The following NAALADL2 variants were observed in gnomAD, a reference collection of about 807,000 sequenced individuals.
NAALADL2 encodes the protein N-acetylated alpha-linked acidic dipeptidase like 2, also known as inactive N-acetylated-alpha-linked acidic dipeptidase-like protein 2.
In NAALADL2, 76 loss-of-function variants were observed where a neutral mutation model predicts 87.2. The ratio of observed to expected loss-of-function variants is 0.87; its 90% CI spans 0.72 to 1.05. The LOEUF (loss-of-function observed/expected upper bound fraction) is 1.05, where lower values mean the gene tolerates loss of function less well. Among genes scored for constraint, NAALADL2 ranks in the 50% least tolerant of loss-of-function variants. NAALADL2 has a pLI of 0.00. For synonymous variants in NAALADL2, 354 were observed against 331.0 expected (o/e 1.07, Z -0.75); for missense variants, 1,089 against 945.8 (o/e 1.15, Z -1.99).
intron 11 of NAALADL2, among the ~76,000 whole-genome samples, chr3:175,644,130 C>T (rs917127812): frequency 6.6e-6 from 1 of 151,942 alleles, no homozygotes; most frequent in Non-Finnish European, 1.5e-5. Flanking sequence ...AAAATCATTG[C>T]CAAATTTTGT....
chr3:175,453,059 C>A (rs138471718), intron 6 of NAALADL2, among the ~76,000 whole-genome samples: 79 of 152,198 alleles, frequency 5.2e-4, no homozygotes, highest in African/African-American at 1.8e-3. Flanking sequence ...GACTTAAAGA[C>A]AACCTGAGAT....
intron 9 of NAALADL2, among the ~76,000 whole-genome samples, chr3:175,515,963 T>G (rs2149405246): frequency 6.6e-6 from 1 of 152,368 alleles, no homozygotes; most frequent in East Asian, 1.9e-4. Flanking sequence ...TTCAAAATCC[T>G]TTTAAAATAA....
At chr3:174,960,670 C>T (rs1247361425) in intron 1 of NAALADL2, among the ~76,000 whole-genome samples, 4 of 151,902 alleles carry the variant, frequency 2.6e-5, no homozygotes, top group Admixed American at 2.6e-4. Context: ...GAAACAAAAT[C>T]TTTGATGGTA....
At chr3:175,139,670 C>A (rs569551411) in intron 2 of NAALADL2, among the ~76,000 whole-genome samples, 27 of 137,878 alleles carry the variant, frequency 2.0e-4, no homozygotes, top group African/African-American at 6.6e-4. Flanking sequence ...ATTATTCTAA[C>A]CCTATCTTCA....
chr3:174,605,208 C>T (rs935450388), intron 2 of NAALADL2, among the ~76,000 whole-genome samples: 2 of 152,156 alleles, frequency 1.3e-5, no homozygotes, highest in African/African-American at 4.8e-5. Flanking sequence ...ATAGGAACAG[C>T]TCTGGTCTAC....
intron 10 of NAALADL2, among the ~76,000 whole-genome samples, chr3:175,588,817 C>T (rs1417641798): frequency 2.6e-5 from 4 of 152,182 alleles, no homozygotes; most frequent in Middle Eastern, 3.4e-3. Context: ...GGATTATAGG[C>T]GTGAGCCACC....
chr3:175,672,143 G>A (rs918092076), intron 11 of NAALADL2, among the ~76,000 whole-genome samples: 2 of 152,068 alleles, frequency 1.3e-5, no homozygotes, highest in African/African-American at 4.8e-5. Context: ...GGGAAATGTT[G>A]CTGAATTAGA....
chr3:175,669,024 T>C (rs1733579931), intron 11 of NAALADL2, among the ~76,000 whole-genome samples: 1 of 152,118 alleles, frequency 6.6e-6, no homozygotes, highest in East Asian at 1.9e-4. Flanking sequence ...AAAGTTATAC[T>C]TTAGGATAGT....
chr3:174,815,830 G>GTTTTTT (rs10589968), intron 3 of NAALADL2, among the ~76,000 whole-genome samples: 1 of 115,196 alleles, frequency 8.7e-6, no homozygotes. Context: ...TTTGACTTTA[G>GTTTTTT]TTTTTTTTTT....
chr3:174,643,903 G>A (rs561706399), intron 2 of NAALADL2, among the ~76,000 whole-genome samples: 1 of 152,274 alleles, frequency 6.6e-6, no homozygotes, highest in South Asian at 2.1e-4. Flanking sequence ...AGACAGAGCA[G>A]CAGTTGAAAA....
intron 3 of NAALADL2, among the ~76,000 whole-genome samples, chr3:174,773,735 G>C (rs1239509311): frequency 6.6e-6 from 1 of 152,084 alleles, no homozygotes; most frequent in African/African-American, 2.4e-5. Context: ...AGTACCCAAC[G>C]TTTAAAGTGA....
At chr3:175,222,890 G>C (rs1236771790) in intron 2 of NAALADL2, among the ~76,000 whole-genome samples, 5 of 152,066 alleles carry the variant, frequency 3.3e-5, no homozygotes, top group Admixed American at 3.3e-4. Context: ...TCTCTTTACT[G>C]TCTGGCTTAA....
intron 1 of NAALADL2, among the ~76,000 whole-genome samples, chr3:174,502,000 ATAGG>A (rs1283792642): frequency 6.6e-6 from 1 of 152,018 alleles, no homozygotes. Context: ...TAAAGGTTGC[ATAGG>A]TAAGAGCTAT....
chr3:175,104,676 A>G (rs531977492), intron 2 of NAALADL2, among the ~76,000 whole-genome samples: 1 of 152,298 alleles, frequency 6.6e-6, no homozygotes, highest in South Asian at 2.1e-4. Context: ...AATTAGAGAA[A>G]AACATGTAAA....
chr3:175,038,120 G>C (rs1387401393), intron 1 of NAALADL2, among the ~76,000 whole-genome samples: 1 of 151,970 alleles, frequency 6.6e-6, no homozygotes, highest in African/African-American at 2.4e-5. Context: ...TAGAGTAAAA[G>C]CCAATAAATA....
At chr3:175,594,711 A>G (rs774427326) in intron 10 of NAALADL2, among the ~76,000 whole-genome samples, 32 of 152,028 alleles carry the variant, frequency 2.1e-4, no homozygotes, top group Non-Finnish European at 2.2e-4. Flanking sequence ...CTGGTGTGAG[A>G]TGGCATCTCA....
chr3:174,955,163 C>T (rs191904697), intron 1 of NAALADL2, among the ~76,000 whole-genome samples: 324 of 152,142 alleles, frequency 2.1e-3, no homozygotes, highest in African/African-American at 6.3e-3. Flanking sequence ...CCATCAGTTA[C>T]GGCATCGTCT....
intron 2 of NAALADL2, among the ~76,000 whole-genome samples, chr3:175,174,425 A>AT (rs1735369986): frequency 1.3e-5 from 2 of 152,222 alleles, no homozygotes; most frequent in South Asian, 4.1e-4. Flanking sequence ...GAAAAGCAAT[A>AT]TTTGTGCAAT....
At chr3:174,445,140 C>T (rs1382992097) in intron 1 of NAALADL2, among the ~76,000 whole-genome samples, 1 of 151,590 alleles carries the variant, frequency 6.6e-6, no homozygotes, top group Non-Finnish European at 1.5e-5. Context: ...TCTCTGCCCT[C>T]AATTTACCAT....
Sources: allele counts gnomAD v4.1 joint callset (sites outside exome capture counted in the v4.1 genomes callset), GRCh38; gene constraint gnomAD v4.1.1; transcripts MANE v1.5; gene names NCBI Gene and HGNC (gene_info 2026-07-23, HGNC 2026-07-21).